GPR149: variants seen among roughly 807,000 people sequenced by gnomAD.
GPR149 encodes the protein probable G protein-coupled receptor 149.
In GPR149, 50 loss-of-function variants were observed where a neutral mutation model predicts 50.2. That is an observed-to-expected ratio of 1.00 (90% confidence interval 0.79 to 1.26). The LOEUF (loss-of-function observed/expected upper bound fraction) is 1.26, where lower values mean the gene tolerates loss of function less well. GPR149 is among the 50% of genes most tolerant of loss of function. GPR149 has a pLI of 0.00. For synonymous variants in GPR149, 405 were observed against 358.2 expected (o/e 1.13, Z -1.48); for missense variants, 983 against 895.4 (o/e 1.10, Z -1.25).
intron 3 of GPR149, among the ~76,000 whole-genome samples, chr3:154,420,274 G>A (rs1031275363): frequency 6.6e-6 from 1 of 151,646 alleles, no homozygotes; most frequent in Non-Finnish European, 1.5e-5. Flanking sequence ...GGAAAGCAAG[G>A]GCAACTTGAT....
intron 3 of GPR149, among the ~76,000 whole-genome samples, chr3:154,387,652 C>A (rs1301234813): frequency 1.3e-5 from 2 of 152,048 alleles, no homozygotes; most frequent in African/African-American, 4.8e-5. Context: ...AATTAAGCTT[C>A]AAAAATCTGT....
In GPR149 at chr3:154,421,406, T is replaced by G. The variant is rs780544896; in HGVS notation, c.1256A>C (p.Asp419Ala). ...ATAGAATATGGAATTTTCATCATCA[T>G]CATAGTAATCTTCATGTGCTATTTT... The part of the protein sequence containing the change: ...IYKIAHEDYY[D>A]DDENSIFYHN... The change falls in exon 3 of 4, where the codon GAT (aspartate) becomes GCT (alanine). Residue 419 changes from aspartate to alanine, a missense_variant. Asp to Ala is a moderately radical substitution (Grantham distance 126). Coordinates refer to ENST00000389740, the MANE Select transcript of GPR149 (RefSeq NM_001038705.3). The G allele has an allele frequency of 1.4e-5, 23 of 1,610,728 alleles. No individual in the cohort carries two copies. The highest frequency in any genetic ancestry group is 1.8e-5 in the Non-Finnish European group (21 of 1,177,954).
chr3:154,362,223 A>C (rs1211539800), intron 3 of GPR149, among the ~76,000 whole-genome samples: 1 of 143,272 alleles, frequency 7.0e-6, no homozygotes, highest in Admixed American at 7.5e-5. Context: ...CGGGAGGCGG[A>C]GCCTGCAGTG....
Position 154,405,604 on chromosome 3 carries a change from A to AAAG in GPR149, c.1623+15432_1623+15434dup, listed in dbSNP as rs1478987214. ...CTCCATCAAAAAAAAAAAAAAAAAAAAAGTAGAAAGCCTAGAAATAGATCC... is the reference window on the plus strand; with the variant it reads ...CTCCATCAAAAAAAAAAAAAAAAAAAAAGAAGTAGAAAGCCTAGAAATAGATCC... On this transcript the variant is annotated intron_variant, in intron 3 of 3. Transcript: ENST00000389740. Among the ~76,000 whole-genome samples, 249 of 151,082 alleles carry AAAG rather than the reference A, an allele frequency of 1.6e-3. 2 individuals are homozygous for AAAG. Among genetic ancestry groups the AAAG allele is most frequent in the African/African-American group, 5.5e-3 (228 of 41,212 alleles).
chr3:154,340,577 T>A (rs1713767640), intron 3 of GPR149, among the ~76,000 whole-genome samples: 1 of 152,196 alleles, frequency 6.6e-6, no homozygotes. Flanking sequence ...ATAAACAAAA[T>A]AAAAATTTTA....
At chr3:154,417,841 C>G (rs985090951) in intron 3 of GPR149, among the ~76,000 whole-genome samples, 1 of 152,006 alleles carries the variant, frequency 6.6e-6, no homozygotes, top group Non-Finnish European at 1.5e-5. Context: ...TTGTTTTAGT[C>G]TTAGGAAAAG....
chr3:154,416,564 T>G (rs990880829), intron 3 of GPR149, among the ~76,000 whole-genome samples: 1 of 151,828 alleles, frequency 6.6e-6, no homozygotes, highest in Non-Finnish European at 1.5e-5. Context: ...AATAATATTT[T>G]AAAAATACTA....
At chr3:154,352,135 T>C in intron 3 of GPR149, 1 of 700,362 alleles carries the variant, frequency 1.4e-6, no homozygotes, top group Non-Finnish European at 2.3e-6. Context: ...GTATCAAATA[T>C]TCAGTCAAAA....
In GPR149 at chr3:154,429,974, C is replaced by A. The variant is rs1211720323; in HGVS notation, c.-359G>T. 6.6e-6 allele frequency among the ~76,000 whole-genome samples: 1 copy of A among 152,096 alleles called. No individual in the cohort carries two copies. Among genetic ancestry groups the A allele is most frequent in the Non-Finnish European group, 1.5e-5 (1 of 68,020 alleles). ...CATTAAAAACCAATGATGTCTGGAT[C>A]CTTTGGGGTCCTTCTTATGGAGCAA... On this transcript the variant is annotated 5_prime_UTR_variant, in exon 1 of 4. Transcript: ENST00000389740.
intron 3 of GPR149, among the ~76,000 whole-genome samples, chr3:154,399,662 G>A (rs1715375695): frequency 6.6e-6 from 1 of 152,154 alleles, no homozygotes; most frequent in Non-Finnish European, 1.5e-5. Flanking sequence ...CTGCTCTAGA[G>A]ACTGATGGTC....
intron 3 of GPR149, among the ~76,000 whole-genome samples, chr3:154,364,881 GC>G (rs1714493716): frequency 3.3e-5 from 5 of 152,304 alleles, no homozygotes; most frequent in Admixed American, 3.3e-4. Flanking sequence ...TTTCAGGGCA[GC>G]CTTACTCCCA....
chr3:154,337,783 A>G lies in GPR149; in HGVS notation c.2112T>C (p.His704=). The change falls in exon 4 of 4, where the codon CAT becomes CAC. Residue 704 remains histidine, a synonymous_variant. Coordinates refer to ENST00000389740, the MANE Select transcript of GPR149 (RefSeq NM_001038705.3). ...CCTCCTGGTAGCCATCCCTCTCTTG[A>G]TGCTGCCTTTTACTGTTCTGCCTGT... ...EAHRQNSKRQ[H]QERDGYQEEI... 1 of 1,613,730 alleles carries G rather than the reference A, an allele frequency of 6.2e-7. No individual in the cohort carries two copies. The highest frequency in any genetic ancestry group is 8.5e-7 in the Non-Finnish European group (1 of 1,179,870).
chr3:154,387,018 T>C (rs752904408), intron 3 of GPR149, among the ~76,000 whole-genome samples: 2 of 152,206 alleles, frequency 1.3e-5, no homozygotes, highest in Non-Finnish European at 2.9e-5. Context: ...AATCTCAGGA[T>C]TATGCTACAA....
chr3:154,357,346 C>T (rs1175059655), intron 3 of GPR149, among the ~76,000 whole-genome samples: 2 of 151,986 alleles, frequency 1.3e-5, no homozygotes, highest in Non-Finnish European at 2.9e-5. Flanking sequence ...TCTAATTAAA[C>T]TAAAGAGCTT....
Position 154,358,545 on chromosome 3 carries a change from T to C in GPR149, c.1624-20274A>G, listed in dbSNP as rs148115594. Among the ~76,000 whole-genome samples, 55 of 152,284 alleles carry C rather than the reference T, an allele frequency of 3.6e-4. No homozygotes were observed. In the East Asian group the frequency reaches 9.1e-3, roughly 25 times the overall value. On this transcript the variant is annotated intron_variant, in intron 3 of 3. Coordinates refer to ENST00000389740, the MANE Select transcript of GPR149 (RefSeq NM_001038705.3). ...AGAAACTTTATTTATCAATAAAGCA[T>C]TGTTGTTGAAGGAATATTTTTATCC... is the stretch of plus-strand genomic sequence containing the variant.
chr3:154,351,619 T>G (rs1714083167), intron 3 of GPR149, among the ~76,000 whole-genome samples: 2 of 152,304 alleles, frequency 1.3e-5, no homozygotes, highest in South Asian at 4.1e-4. Context: ...GATTCTGCAC[T>G]TACTAAAAGT....
intron 3 of GPR149, among the ~76,000 whole-genome samples, chr3:154,379,565 G>T (rs1205294002): frequency 3.3e-5 from 5 of 151,920 alleles, no homozygotes; most frequent in African/African-American, 1.2e-4. Context: ...TATAAGTTTT[G>T]TTAGTTCTTG....
At chr3:154,385,980 C>G (rs1715037495) in intron 3 of GPR149, among the ~76,000 whole-genome samples, 1 of 152,126 alleles carries the variant, frequency 6.6e-6, no homozygotes, top group South Asian at 2.1e-4. Flanking sequence ...GGATTACAGG[C>G]ATGACACAAA....
At chr3:154,385,566 C>T (rs1576916604) in intron 3 of GPR149, among the ~76,000 whole-genome samples, 1 of 152,096 alleles carries the variant, frequency 6.6e-6, no homozygotes, top group South Asian at 2.1e-4. Flanking sequence ...TTTAAGGAAA[C>T]TCTTTTTGGT....
Sources: allele counts gnomAD v4.1 joint callset (sites outside exome capture counted in the v4.1 genomes callset), GRCh38; gene constraint gnomAD v4.1.1; transcripts MANE v1.5; gene names NCBI Gene and HGNC (gene_info 2026-07-23, HGNC 2026-07-21).